The following GPR139 variants were observed in gnomAD, a reference collection of about 807,000 sequenced individuals.
GPR139 encodes the protein probable G protein-coupled receptor 139.
In GPR139, 12 loss-of-function variants were observed where a neutral mutation model predicts 25.8. The ratio of observed to expected loss-of-function variants is 0.47; its 90% CI spans 0.30 to 0.75. The LOEUF is 0.75. Among genes scored for constraint, GPR139 ranks in the 30% least tolerant of loss-of-function variants. GPR139 has a pLI of 0.07. For missense variants in GPR139, 380 were observed against 450.2 expected (o/e 0.84, Z 1.41); for synonymous variants, 184 against 179.9 (o/e 1.02, Z -0.18).
intron 1 of GPR139, among the ~76,000 whole-genome samples, chr16:20,067,022 G>C (rs1359770414): frequency 6.6e-6 from 1 of 152,148 alleles, no homozygotes; most frequent in African/African-American, 2.4e-5. Context: ...TGGGAAAACC[G>C]GGGCTCAGAG....
At chr16:20,051,160 G>T (rs1217519538) in intron 1 of GPR139, among the ~76,000 whole-genome samples, 1 of 152,194 alleles carries the variant, frequency 6.6e-6, no homozygotes, top group Non-Finnish European at 1.5e-5. Flanking sequence ...GACACAAGGT[G>T]GGAGGTGAAG....
At chr16:20,061,237 GGATGGATGGATGGAT>G in intron 1 of GPR139, among the ~76,000 whole-genome samples, 1 of 151,388 alleles carries the variant, frequency 6.6e-6, no homozygotes, top group Admixed American at 6.6e-5. Flanking sequence ...GTGGATGGAT[GGATGGATGGATGGAT>G]GGATGGATGG....
chr16:20,038,359 G>GTA (rs2057318468), intron 1 of GPR139, among the ~76,000 whole-genome samples: 1 of 131,528 alleles, frequency 7.6e-6, no homozygotes, highest in Non-Finnish European at 1.6e-5. Flanking sequence ...GTGTGTGTGT[G>GTA]TGTGTGTGTG....
chr16:20,071,424 T>G (rs1044634924), intron 1 of GPR139, among the ~76,000 whole-genome samples: 6 of 152,226 alleles, frequency 3.9e-5, no homozygotes, highest in Admixed American at 1.3e-4. Context: ...CTGCTGTCTT[T>G]GGAATCATGC....
In GPR139 at chr16:20,031,730, T is replaced by A; in HGVS notation, c.*5A>T. 1 of 1,610,758 alleles carries A rather than the reference T, an allele frequency of 6.2e-7. No individual in the cohort carries two copies. Among genetic ancestry groups the A allele is most frequent in the Non-Finnish European group, 8.5e-7 (1 of 1,177,178 alleles). ...ACAGAGGCAGTAGTTGCCACACCTA[T>A]GGAATCACGGGGATACTTTTATAGG... On this transcript the variant is annotated 3_prime_UTR_variant, in exon 2 of 2. Transcript: ENST00000570682.
intron 1 of GPR139, among the ~76,000 whole-genome samples, chr16:20,050,951 T>G (rs1423692015): frequency 6.6e-6 from 1 of 151,148 alleles, no homozygotes; most frequent in African/African-American, 2.4e-5. Context: ...CTGTCCCAGC[T>G]ACTTGGGAGT....
At position 20,031,520 on chromosome 16, in the gene GPR139, G is replaced by A. The variant is rs1363166929; in HGVS notation, c.*215C>T. The A allele has an allele frequency of 2.1e-5, 12 of 569,672 alleles. No individual in the cohort carries two copies. Among genetic ancestry groups the A allele is most frequent in the Admixed American group, 3.0e-5 (1 of 32,856 alleles). The allele number at this position is 569,672 out of a possible 1,614,324, so 35.3% of individuals were successfully genotyped here. On this transcript the variant is annotated 3_prime_UTR_variant, in exon 2 of 2. Transcript: ENST00000570682. ...TGGTAGGAGCTTTTGCTGTCATTAC[G>A]ACTCTGTGGAAATAAATGCATAAGT... is the stretch of plus-strand genomic sequence containing the variant.
chr16:20,041,236 GAGAGGAGAGGAGAGGGAAGGAGA>G (rs2057333050), intron 1 of GPR139, among the ~76,000 whole-genome samples: 1 of 6,250 alleles, frequency 1.6e-4, no homozygotes, highest in African/African-American at 6.3e-4. Flanking sequence ...GAGAGGAGAG[GAGAGGAGAGGAGAGGGAAGGAGA>G]AAAGAAAAGC....
At chr16:20,065,848 C>G (rs1191648100) in intron 1 of GPR139, among the ~76,000 whole-genome samples, 1 of 148,946 alleles carries the variant, frequency 6.7e-6, no homozygotes, top group Non-Finnish European at 1.5e-5. Context: ...ACTCCACACT[C>G]CAGCACGGGT....
At chr16:20,054,848 T>C (rs1282697164) in intron 1 of GPR139, among the ~76,000 whole-genome samples, 1 of 152,092 alleles carries the variant, frequency 6.6e-6, no homozygotes, top group African/African-American at 2.4e-5. Flanking sequence ...GTGCCTCTGC[T>C]TCCCAAGTAG....
rs542890222 is a variant in GPR139, at chr16:20,051,017, C to T, written c.128-18348G>A. 1.5e-4 allele frequency among the ~76,000 whole-genome samples: 21 copies of T among 142,756 alleles called. No individual in the cohort carries two copies. The South Asian group carries it at 2.2e-3, about 15-fold the overall frequency. The allele number at this position is 142,756 out of a possible 152,430, so 93.7% of individuals were successfully genotyped here. On this transcript the variant is annotated intron_variant, in intron 1 of 1. Coordinates refer to ENST00000570682, the MANE Select transcript of GPR139 (RefSeq NM_001002911.4). ...GGTCAAGGCTGCAGTGAGTGGAGATCGTGCCACTGCTCACCAGCCTGGGCA... is the reference window on the plus strand; with the variant it reads ...GGTCAAGGCTGCAGTGAGTGGAGATTGTGCCACTGCTCACCAGCCTGGGCA...
chr16:20,035,753 GC>G (rs1293716323), intron 1 of GPR139, among the ~76,000 whole-genome samples: 1 of 152,214 alleles, frequency 6.6e-6, no homozygotes, highest in Non-Finnish European at 1.5e-5. Context: ...AAAGGAAACA[GC>G]ATGTGCAAAT....
intron 1 of GPR139, among the ~76,000 whole-genome samples, chr16:20,061,299 A>G (rs992361048): frequency 2.6e-5 from 4 of 151,590 alleles, no homozygotes; most frequent in East Asian, 1.9e-4. Context: ...GGACAGATGC[A>G]TGGACATATG....
At chr16:20,047,935 G>C (rs114555725) in intron 1 of GPR139, among the ~76,000 whole-genome samples, 2,504 of 152,220 alleles carry the variant, frequency 0.016, 71 homozygotes, top group African/African-American at 0.058. Context: ...GAAAGTGCCC[G>C]GTGCTAGGCA....
Position 20,073,417 on chromosome 16 carries a change from A to G in GPR139, c.127+73T>C. On this transcript the variant is annotated intron_variant, in intron 1 of 1. Coordinates refer to ENST00000570682, the MANE Select transcript of GPR139 (RefSeq NM_001002911.4). The surrounding 1 kb of genome is among the most constrained non-coding windows in gnomAD (Gnocchi z 4.7). ...GGCGCCAGGGAACGCACGGGGGAGG[A>G]CGGGGGATTCTGGGTAGGGTTGCCC... The G allele has an allele frequency of 6.4e-7, 1 of 1,566,094 alleles. No homozygotes were observed. The highest frequency in any genetic ancestry group is 1.2e-5 in the South Asian group (1 of 85,380).
chr16:20,070,552 A>C (rs144164605), intron 1 of GPR139, among the ~76,000 whole-genome samples: 1,602 of 152,330 alleles, frequency 0.011, 20 homozygotes, highest in Admixed American at 0.017. Context: ...GCAATCCCCT[A>C]GCTCTTCCTC....
chr16:20,070,004 C>A (rs546006935), intron 1 of GPR139, among the ~76,000 whole-genome samples: 1 of 152,082 alleles, frequency 6.6e-6, no homozygotes, highest in African/African-American at 2.4e-5. Flanking sequence ...GGTGGGACAC[C>A]GATTTTCTCC....
At chr16:20,035,318 C>A (rs112858100) in intron 1 of GPR139, among the ~76,000 whole-genome samples, 35 of 152,276 alleles carry the variant, frequency 2.3e-4, no homozygotes, top group African/African-American at 8.2e-4. Flanking sequence ...TACTTATTCC[C>A]AGTGGGCTGG....
intron 1 of GPR139, among the ~76,000 whole-genome samples, chr16:20,040,266 A>G (rs1295758814): frequency 6.6e-6 from 1 of 151,160 alleles, no homozygotes; most frequent in Non-Finnish European, 1.5e-5. Flanking sequence ...GTGACAAATA[A>G]TCGTAAATTG....
Sources: gnomAD v4.1 joint callset for allele counts (sites outside exome capture counted in the v4.1 genomes callset) on GRCh38, gnomAD v4.1.1 for gene constraint, Gnocchi (gnomAD v3.1) non-coding constraint, MANE v1.5 for transcripts, NCBI Gene and HGNC (gene_info 2026-07-23, HGNC 2026-07-21) for gene names.